The following EPHA6 variants were observed in gnomAD, a reference collection of about 807,000 sequenced individuals.
EPHA6 encodes ephrin type-A receptor 6.
Under a neutral mutation model 112.0 loss-of-function variants are expected in EPHA6, and 50 were observed. The ratio of observed to expected loss-of-function variants is 0.45; its 90% CI spans 0.36 to 0.56. EPHA6 has a LOEUF of 0.56. Among genes scored for constraint, EPHA6 ranks in the 20% least tolerant of loss-of-function variants. The pLI, the probability that EPHA6 is intolerant of heterozygous loss-of-function variation, is 0.00. For synonymous variants in EPHA6, 529 were observed against 490.7 expected, an observed-to-expected ratio of 1.08 and a Z score of -1.03; for missense variants, 1,280 against 1,417.4, an observed-to-expected ratio of 0.90 and a Z score of 1.56.
At chr3:97,644,490 G>A (rs2094039828) in intron 14 of EPHA6, among the ~76,000 whole-genome samples, 1 of 151,806 alleles carries the variant, frequency 6.6e-6, no homozygotes, top group Admixed American at 6.6e-5. Flanking sequence ...AAAAATTAAT[G>A]AATCCAGGAG....
At chr3:96,874,943 C>T (rs967770508) in intron 2 of EPHA6, among the ~76,000 whole-genome samples, 5 of 151,818 alleles carry the variant, frequency 3.3e-5, no homozygotes, top group Admixed American at 2.0e-4. Context: ...AAAGGGAGGC[C>T]ATTCAGTAGT....
intron 13 of EPHA6, among the ~76,000 whole-genome samples, chr3:97,633,123 G>C (rs1379210671): frequency 6.6e-6 from 1 of 152,032 alleles, no homozygotes; most frequent in South Asian, 2.1e-4. Context: ...TCAGATCTGG[G>C]GATGCTGTGT....
chr3:97,697,759 C>T (rs2033132245), intron 14 of EPHA6, among the ~76,000 whole-genome samples: 1 of 151,984 alleles, frequency 6.6e-6, no homozygotes, highest in Non-Finnish European at 1.5e-5. Flanking sequence ...CATTGTGGGT[C>T]CCAGCAATCA....
At chr3:97,277,492 G>GA (rs2080131753) in intron 5 of EPHA6, among the ~76,000 whole-genome samples, 1 of 152,134 alleles carries the variant, frequency 6.6e-6, no homozygotes, top group African/African-American at 2.4e-5. Flanking sequence ...CCGCCATCTG[G>GA]ATGTGTACGT....
chr3:97,670,356 A>G (rs1299007680), intron 14 of EPHA6, among the ~76,000 whole-genome samples: 2 of 152,194 alleles, frequency 1.3e-5, no homozygotes, highest in Non-Finnish European at 2.9e-5. Context: ...AATAGACAAA[A>G]GCAACCCTTT....
In EPHA6 at chr3:97,404,348, G is replaced by A. The variant is rs146742040; in HGVS notation, c.1607-802G>A. On this transcript the variant is annotated intron_variant, in intron 5 of 17. Coordinates refer to ENST00000389672, the MANE Select transcript of EPHA6 (RefSeq NM_001080448.3). Reference sequence around the variant, plus strand: ...TACTTTTTTTGTGCCAATCTGTTACGTGAGAAATGGCGTATCAATGTGTTT... The same window carrying A: ...TACTTTTTTTGTGCCAATCTGTTACATGAGAAATGGCGTATCAATGTGTTT... Among the ~76,000 whole-genome samples the A allele has an allele frequency of 4.3e-3, 655 of 152,190 alleles. 5 individuals carry two copies. The highest frequency in any genetic ancestry group is 0.014 in the African/African-American group (586 of 41,536).
intron 3 of EPHA6, among the ~76,000 whole-genome samples, chr3:97,129,527 AAAC>A (rs1239239378): frequency 5.9e-5 from 9 of 152,002 alleles, no homozygotes; most frequent in African/African-American, 9.7e-5. Flanking sequence ...ACAAAAAAAA[AAAC>A]AACAAAAAAA....
intron 5 of EPHA6, among the ~76,000 whole-genome samples, chr3:97,266,473 A>T (rs947067501): frequency 4.6e-5 from 7 of 152,044 alleles, no homozygotes; most frequent in South Asian, 2.1e-4. Context: ...TTTAAAGAGG[A>T]TCTCATGTTT....
intron 5 of EPHA6, among the ~76,000 whole-genome samples, chr3:97,380,579 A>G (rs1431941790): frequency 3.9e-5 from 6 of 152,322 alleles, no homozygotes; most frequent in Admixed American, 1.3e-4. Flanking sequence ...AAATGGAAAC[A>G]GTCTGAGATA....
intron 14 of EPHA6, among the ~76,000 whole-genome samples, chr3:97,697,465 T>C (rs571610899): frequency 2.6e-5 from 4 of 152,302 alleles, no homozygotes; most frequent in African/African-American, 9.6e-5. Context: ...AATGTATGGC[T>C]TCTAGGAACA....
At chr3:97,292,836 AGAG>A (rs2080738585) in intron 5 of EPHA6, among the ~76,000 whole-genome samples, 1 of 150,718 alleles carries the variant, frequency 6.6e-6, no homozygotes. Context: ...CTCTCAGCAG[AGAG>A]GAGACCCGTG....
In EPHA6 at chr3:96,987,990, C is replaced by A; in HGVS notation, c.1111C>A (p.His371Asn). 6.5e-7 allele frequency: 1 copy of A among 1,544,532 alleles called. No homozygotes were observed. The change falls in exon 3 of 18, where the codon CAT becomes AAT. Residue 371 changes from histidine to asparagine, a missense_variant. Physicochemically the swap from His to Asn is moderately conservative, Grantham distance 68 (BLOSUM62 1). Coordinates refer to ENST00000389672, the MANE Select transcript of EPHA6 (RefSeq NM_001080448.3). ...TGYEEIEGSC[H>N]ACRPGFYKAF... is the part of the protein sequence containing the mutation. The stretch of plus-strand genomic sequence containing the variant: ...ATATGAAGAAATTGAGGGTTCTTGC[C>A]ATGGTAAGAAACAAACATTTAAATA...
intron 2 of EPHA6, among the ~76,000 whole-genome samples, chr3:96,892,388 T>A (rs978966440): frequency 6.6e-6 from 1 of 151,030 alleles, no homozygotes; most frequent in South Asian, 2.1e-4. Context: ...TCCTGGTTAA[T>A]TTTTTTGTAC....
intron 3 of EPHA6, among the ~76,000 whole-genome samples, chr3:97,056,122 A>G (rs2045842886): frequency 6.6e-6 from 1 of 152,196 alleles, no homozygotes; most frequent in South Asian, 2.1e-4. Context: ...TTAATGCTTT[A>G]CACAGAATAT....
At chr3:97,338,088 G>A (rs1281026385) in intron 5 of EPHA6, among the ~76,000 whole-genome samples, 1 of 151,902 alleles carries the variant, frequency 6.6e-6, no homozygotes, top group Non-Finnish European at 1.5e-5. Context: ...GGTTGTGTGT[G>A]TGTGCGTGTG....
Position 97,438,124 on chromosome 3 carries a change from C to A in EPHA6, c.1732-10444C>A, listed in dbSNP as rs546473616. On this transcript the variant is annotated intron_variant, in intron 6 of 17. Transcript: ENST00000389672. ...AGGGCCAAGTATCAAACTTTAAACA[C>A]TTAATTTTTAGTTGAACATCATTGT... is the stretch of plus-strand genomic sequence containing the variant. 4.6e-5 allele frequency among the ~76,000 whole-genome samples: 7 copies of A among 152,178 alleles called. No individual in the cohort carries two copies. The East Asian group carries it at 1.2e-3, about 25-fold the overall frequency.
At chr3:97,222,427 G>A (rs2078234327) in intron 3 of EPHA6, among the ~76,000 whole-genome samples, 1 of 152,096 alleles carries the variant, frequency 6.6e-6, no homozygotes, top group South Asian at 2.1e-4. Flanking sequence ...TTGAAATCAG[G>A]GATAGTTGAA....
chr3:97,735,515 T>C (rs1028154656), intron 15 of EPHA6, among the ~76,000 whole-genome samples: 2 of 152,068 alleles, frequency 1.3e-5, no homozygotes, highest in African/African-American at 4.8e-5. Flanking sequence ...AAGAAATCAG[T>C]GCTTCAACAG....
intron 2 of EPHA6, among the ~76,000 whole-genome samples, chr3:96,952,539 G>C (rs756353609): frequency 6.6e-6 from 1 of 152,118 alleles, no homozygotes; most frequent in Non-Finnish European, 1.5e-5. Flanking sequence ...AACTCAGTAT[G>C]AAAGATTTTA....
Sources: allele counts gnomAD v4.1 joint callset (sites outside exome capture counted in the v4.1 genomes callset), GRCh38; gene constraint gnomAD v4.1.1; transcripts MANE v1.5; gene names NCBI Gene and HGNC (gene_info 2026-07-23, HGNC 2026-07-21).